NDUFA5: variants seen among roughly 807,000 people sequenced by gnomAD.
NDUFA5 encodes the protein NADH dehydrogenase [ubiquinone] 1 alpha subcomplex subunit 5.
Under a neutral mutation model 19.8 loss-of-function variants are expected in NDUFA5, and 11 were observed. The ratio of observed to expected loss-of-function variants is 0.56; its 90% CI spans 0.35 to 0.92. The LOEUF (loss-of-function observed/expected upper bound fraction) is 0.92. NDUFA5 is among the 40% of genes least tolerant of loss of function. NDUFA5 has a pLI of 0.01. For synonymous variants in NDUFA5, 47 were observed against 46.8 expected (o/e 1.00, Z -0.01); for missense variants, 109 against 134.2 (o/e 0.81, Z 0.93).
At chr7:123,558,553 G>T (rs1798640042), upstream of NDUFA5, among the ~76,000 whole-genome samples, 1 of 152,216 alleles carries the variant, frequency 6.6e-6, no homozygotes, top group African/African-American at 2.4e-5. Flanking sequence ...TGCAAAGTGT[G>T]ATGGTACCAG....
At chr7:123,554,015 T>C (rs1242856354) in intron 2 of NDUFA5, among the ~76,000 whole-genome samples, 3 of 152,084 alleles carry the variant, frequency 2.0e-5, no homozygotes, top group Non-Finnish European at 2.9e-5. Context: ...TGGCAGAAAA[T>C]ACAGCAAACA....
upstream of NDUFA5, among the ~76,000 whole-genome samples, chr7:123,560,245 T>A (rs1236312537): frequency 6.6e-6 from 1 of 152,224 alleles, no homozygotes; most frequent in African/African-American, 2.4e-5. Flanking sequence ...GAAAGGCAAT[T>A]CTTTTCTGCT....
intron 4 of NDUFA5, among the ~76,000 whole-genome samples, chr7:123,542,824 T>C (rs970505501): frequency 2.6e-5 from 4 of 152,206 alleles, no homozygotes; most frequent in African/African-American, 9.6e-5. Context: ...AATTCCTTAA[T>C]CAAATTATGT....
At chr7:123,570,236 C>T in the NDUFA5 span, among the ~76,000 whole-genome samples, 54 of 151,872 alleles carry the variant, frequency 3.6e-4, no homozygotes, top group Non-Finnish European at 4.9e-4. Flanking sequence ...CGGGGTTTCA[C>T]CATGTTAGCC....
chr7:123,576,159 C>T, the NDUFA5 span, among the ~76,000 whole-genome samples: 1 of 149,582 alleles, frequency 6.7e-6, no homozygotes, highest in Non-Finnish European at 1.5e-5. Flanking sequence ...TTATTTTCAT[C>T]TTCTATATTT....
At chr7:123,585,506 G>A in the NDUFA5 span, among the ~76,000 whole-genome samples, 1 of 151,592 alleles carries the variant, frequency 6.6e-6, no homozygotes, top group African/African-American at 2.4e-5. Flanking sequence ...GCTTTATTGA[G>A]GTATAATTAA....
chr7:123,545,487 GT>G (rs1404497255), intron 4 of NDUFA5, 123 bp downstream of exon 4: 1 of 714,690 alleles, frequency 1.4e-6, no homozygotes, highest in Non-Finnish European at 2.4e-6. Flanking sequence ...TTTTCTATAT[GT>G]GATTAGTCTT....
intron 2 of NDUFA5, chr7:123,551,454 C>A (rs950912378): frequency 3.5e-5 from 19 of 536,128 alleles, no homozygotes; most frequent in Non-Finnish European, 4.5e-5. Flanking sequence ...GGTGATCCGC[C>A]CACCTCAGCC....
At chr7:123,543,039 T>C (rs374730561) in intron 4 of NDUFA5, among the ~76,000 whole-genome samples, 2 of 152,142 alleles carry the variant, frequency 1.3e-5, no homozygotes, top group Admixed American at 6.5e-5. Flanking sequence ...AAGGTAATTA[T>C]TATTACACAG....
At position 123,540,889 on chromosome 7, in the gene NDUFA5, T is replaced by TACACAC. The variant is rs1797910540; in HGVS notation, c.*1229_*1230insGTGTGT. On this transcript the variant is annotated 3_prime_UTR_variant, in exon 5 of 5. Coordinates refer to ENST00000355749, the MANE Select transcript of NDUFA5 (RefSeq NM_005000.5). ...TTCTGAGCAAATGTGCGCATGCGCG[T>TACACAC]GCACACACACACACACACACACACA... The TACACAC allele has an allele frequency of 9.1e-6, 1 of 110,348 alleles. No homozygotes were observed. The highest frequency in any genetic ancestry group is 3.5e-5 in the African/African-American group (1 of 28,360). 6.8% of individuals were successfully genotyped at this position (110,348 alleles called of 1,614,324 possible). A position where few individuals can be genotyped will look rare whatever the true frequency, so the allele number is the denominator to read the frequency against.
the NDUFA5 span, among the ~76,000 whole-genome samples, chr7:123,578,958 T>C: frequency 6.0e-4 from 92 of 152,210 alleles, no homozygotes; most frequent in African/African-American, 2.2e-3. Context: ...GTTTGTTACA[T>C]GGATATTGTA....
the NDUFA5 span, among the ~76,000 whole-genome samples, chr7:123,589,126 T>A: frequency 8.1e-4 from 123 of 151,920 alleles, no homozygotes; most frequent in African/African-American, 2.9e-3. Context: ...ATCTTTTCAT[T>A]GTTGAAAGTA....
At chr7:123,553,301 G>A (rs1798425016) in intron 2 of NDUFA5, among the ~76,000 whole-genome samples, 1 of 152,248 alleles carries the variant, frequency 6.6e-6, no homozygotes, top group Non-Finnish European at 1.5e-5. Flanking sequence ...GAAGATGAAA[G>A]AGGGGCAAAG....
rs919214046 is a variant in NDUFA5 at position 123,540,827 on chromosome 7, T to G, written c.*1292A>C. The stretch of plus-strand genomic sequence containing the variant: ...TGTTACAGCTCTATGAGGGGAGAAA[T>G]ATACTGGAAAGAAGGAAAAATACCA... On this transcript the variant is annotated 3_prime_UTR_variant, in exon 5 of 5. Coordinates refer to ENST00000355749, the MANE Select transcript of NDUFA5 (RefSeq NM_005000.5). 1 of 151,320 alleles carries G rather than the reference T, an allele frequency of 6.6e-6. No individual in the cohort carries two copies. The highest frequency in any genetic ancestry group is 2.4e-5 in the African/African-American group (1 of 41,078). 9.4% of individuals were successfully genotyped at this position (151,320 alleles called of 1,614,324 possible).
the NDUFA5 span, among the ~76,000 whole-genome samples, chr7:123,571,225 C>A: frequency 6.6e-6 from 1 of 152,154 alleles, no homozygotes; most frequent in Non-Finnish European, 1.5e-5. Context: ...ATTGGGAGCA[C>A]TTTATCAAAC....
At chr7:123,600,106 T>C in the NDUFA5 span, among the ~76,000 whole-genome samples, 1 of 152,198 alleles carries the variant, frequency 6.6e-6, no homozygotes, top group African/African-American at 2.4e-5. Context: ...CTCATTAAAA[T>C]GGTGGTGCCA....
chr7:123,552,636 T>TTAAAAA (rs1554376924), intron 2 of NDUFA5, among the ~76,000 whole-genome samples: 1 of 67,416 alleles, frequency 1.5e-5, no homozygotes, highest in Non-Finnish European at 3.0e-5. Context: ...AAAGTATAAC[T>TTAAAAA]AAAAAAAAAA....
chr7:123,556,797 A>T, intron 2 of NDUFA5: 1 of 489,362 alleles, frequency 2.0e-6, no homozygotes, highest in South Asian at 1.5e-5. Flanking sequence ...ATTTGGCAGC[A>T]TGGAGATAAT....
chr7:123,554,782 C>T (rs2116184034), intron 2 of NDUFA5: 1 of 152,148 alleles, frequency 6.6e-6, no homozygotes. Context: ...CTCTGGGGCT[C>T]AAGCAATCCT....
Sources: allele counts gnomAD v4.1 joint callset (sites outside exome capture counted in the v4.1 genomes callset), GRCh38; gene constraint gnomAD v4.1.1; transcripts MANE v1.5; gene names NCBI Gene and HGNC (gene_info 2026-07-23, HGNC 2026-07-21).